PLCH1: variants seen among roughly 807,000 people sequenced by gnomAD.
The protein encoded by PLCH1 is phospholipase C eta 1.
In PLCH1, 60 loss-of-function variants were observed where a neutral mutation model predicts 126.7. That is an observed-to-expected ratio of 0.47 (90% CI 0.38 to 0.59). PLCH1 has a LOEUF of 0.59. PLCH1 is among the 20% of genes least tolerant of loss of function. PLCH1 has a pLI of 0.00. For synonymous variants in PLCH1, 719 were observed against 734.9 expected (o/e 0.98, Z 0.35); for missense variants, 1,723 against 2,040.0 (o/e 0.84, Z 2.99).
chr3:155,648,502 G>C (rs1038365436), intron 2 of PLCH1, among the ~76,000 whole-genome samples: 1 of 152,130 alleles, frequency 6.6e-6, no homozygotes, highest in Non-Finnish European at 1.5e-5. Flanking sequence ...TTCCATCAAG[G>C]AGAAAGGCCG....
intron 21 of PLCH1, among the ~76,000 whole-genome samples, chr3:155,458,867 C>T (rs1158339666): frequency 1.3e-5 from 2 of 152,146 alleles, no homozygotes; most frequent in Non-Finnish European, 1.5e-5. Context: ...AATACTCTAC[C>T]TTGTATTTTC....
chr3:155,483,344 AT>A, intron 22 of PLCH1: 1 of 1,535,674 alleles, frequency 6.5e-7, no homozygotes, highest in African/African-American at 1.4e-5. Context: ...TACAGTGAGG[AT>A]TACCTTAAGT....
chr3:155,494,946 C>T (rs1485523735), intron 15 of PLCH1, among the ~76,000 whole-genome samples: 1 of 152,034 alleles, frequency 6.6e-6, no homozygotes, highest in Admixed American at 6.5e-5. Context: ...ATTGAAGGCA[C>T]TCATCTAAAA....
chr3:155,473,802 C>T (rs1423191872), intron 21 of PLCH1, among the ~76,000 whole-genome samples: 1 of 150,674 alleles, frequency 6.6e-6, no homozygotes, highest in Admixed American at 6.6e-5. Flanking sequence ...CTTTGACAAA[C>T]CTGAGAAAAA....
chr3:155,561,265 A>G (rs1439160233), intron 8 of PLCH1, among the ~76,000 whole-genome samples: 1 of 146,498 alleles, frequency 6.8e-6, no homozygotes, highest in Admixed American at 6.8e-5. Context: ...TATATCTCCC[A>G]GTGCTATCCC....
chr3:155,690,620 T>G (rs141387120), intron 2 of PLCH1, among the ~76,000 whole-genome samples: 117 of 152,334 alleles, frequency 7.7e-4, no homozygotes, highest in African/African-American at 2.6e-3. Flanking sequence ...TCCTTGGGAA[T>G]CTGAGTATCA....
chr3:155,680,551 T>C (rs138101386), intron 2 of PLCH1, among the ~76,000 whole-genome samples: 51 of 152,262 alleles, frequency 3.3e-4, no homozygotes, highest in African/African-American at 1.1e-3. Flanking sequence ...CACATACAGG[T>C]ACCTCAATTA....
chr3:155,708,942 C>T (rs1038561377), intron 1 of PLCH1, among the ~76,000 whole-genome samples: 2 of 152,154 alleles, frequency 1.3e-5, no homozygotes, highest in Admixed American at 1.3e-4. Context: ...CATTCTCCCT[C>T]CCTCCCCCTT....
At chr3:155,734,988 C>T (rs894599448) in intron 1 of PLCH1, among the ~76,000 whole-genome samples, 1 of 152,060 alleles carries the variant, frequency 6.6e-6, no homozygotes, top group South Asian at 2.1e-4. Context: ...GGATTACAGG[C>T]GTGAGCCACC....
intron 13 of PLCH1, among the ~76,000 whole-genome samples, chr3:155,503,645 C>G (rs527822065): frequency 6.6e-6 from 1 of 151,368 alleles, no homozygotes; most frequent in South Asian, 2.1e-4. Context: ...TCAAGCAGTT[C>G]TCATGCCTTA....
chr3:155,509,014 T>C (rs1228032581), intron 12 of PLCH1, among the ~76,000 whole-genome samples: 1 of 133,238 alleles, frequency 7.5e-6, no homozygotes, highest in East Asian at 2.0e-4. Flanking sequence ...AACTATTGAT[T>C]ATTGCCACAA....
At chr3:155,582,481 T>C (rs1444733620) in intron 6 of PLCH1, among the ~76,000 whole-genome samples, 6 of 152,176 alleles carry the variant, frequency 3.9e-5, no homozygotes, top group Admixed American at 2.0e-4. Flanking sequence ...CAATAAAGCC[T>C]TTATTAAAAA....
chr3:155,575,279 T>C (rs1290990152), intron 6 of PLCH1, among the ~76,000 whole-genome samples: 2 of 152,204 alleles, frequency 1.3e-5, no homozygotes, highest in Non-Finnish European at 2.9e-5. Context: ...ACTATAATTA[T>C]TTCTCATGAG....
intron 10 of PLCH1, among the ~76,000 whole-genome samples, chr3:155,531,933 C>G (rs995442838): frequency 6.6e-6 from 1 of 152,204 alleles, no homozygotes; most frequent in African/African-American, 2.4e-5. Flanking sequence ...CAAACTTTCT[C>G]TCTATCAGCA....
At chr3:155,701,384 A>G (rs1193083963) in intron 2 of PLCH1, among the ~76,000 whole-genome samples, 1 of 152,162 alleles carries the variant, frequency 6.6e-6, no homozygotes, top group East Asian at 1.9e-4. Context: ...ACCATTTTAG[A>G]GTTCTCATTT....
At chr3:155,543,653 C>T (rs557030034) in intron 10 of PLCH1, among the ~76,000 whole-genome samples, 198 of 151,746 alleles carry the variant, frequency 1.3e-3, no homozygotes, top group African/African-American at 4.7e-3. Flanking sequence ...GTCGGGTTAC[C>T]CACAAAGGGA....
chr3:155,692,028 T>TAA (rs543180678), intron 2 of PLCH1, among the ~76,000 whole-genome samples: 1 of 139,076 alleles, frequency 7.2e-6, no homozygotes, highest in African/African-American at 2.6e-5. Flanking sequence ...AGACTCTGTC[T>TAA]AAAAAAAAAA....
intron 11 of PLCH1, among the ~76,000 whole-genome samples, chr3:155,517,000 T>C (rs1720425233): frequency 6.6e-6 from 1 of 152,116 alleles, no homozygotes; most frequent in Admixed American, 6.5e-5. Context: ...CCTTAAAAGA[T>C]AAGTATATTA....
chr3:155,639,397 G>A (rs1739129978), intron 2 of PLCH1, among the ~76,000 whole-genome samples: 1 of 152,162 alleles, frequency 6.6e-6, no homozygotes, highest in Non-Finnish European at 1.5e-5. Flanking sequence ...GGAGGTTAAG[G>A]CTGCAGTGGG....
Sources: allele counts gnomAD v4.1 joint callset (sites outside exome capture counted in the v4.1 genomes callset), GRCh38; gene constraint gnomAD v4.1.1; transcripts MANE v1.5; gene names NCBI Gene and HGNC (gene_info 2026-07-23, HGNC 2026-07-21).